Variants in BTAF1 observed in about 807,000 individuals in gnomAD.
BTAF1 encodes TATA-binding protein-associated factor 172.
In BTAF1, 38 loss-of-function variants were observed where a neutral mutation model predicts 227.1. The ratio of observed to expected loss-of-function variants is 0.17; its 90% CI spans 0.13 to 0.22. BTAF1 has a LOEUF of 0.22. BTAF1 is among the 10% of genes least tolerant of loss of function. BTAF1 has a pLI of 1.00. For synonymous variants in BTAF1, 742 were observed against 751.9 expected (o/e 0.99, Z 0.21); for missense variants, 1,598 against 2,204.0 (o/e 0.73, Z 5.51).
intron 23 of BTAF1, among the ~76,000 whole-genome samples, chr10:91,995,574 G>A (rs1849080914): frequency 6.6e-6 from 1 of 151,978 alleles, no homozygotes; most frequent in African/African-American, 2.4e-5. Context: ...TACTTGGGAG[G>A]CTGAGGCAGG....
intron 14 of BTAF1, among the ~76,000 whole-genome samples, chr10:91,968,077 T>C (rs1847047187): frequency 6.6e-6 from 1 of 152,198 alleles, no homozygotes; most frequent in Admixed American, 6.5e-5. Context: ...GTAGGGTTCG[T>C]TCACTCTTCT....
rs1233157570 is a variant in BTAF1 at position 91,959,073 on chromosome 10, T to C, written c.909T>C (p.His303=). The change falls in exon 9 of 38, where the codon CAT becomes CAC. Residue 303 remains histidine, a synonymous_variant. Transcript: ENST00000265990. The stretch of plus-strand genomic sequence containing the variant: ...TTCTTTGTTCTTTTCAGGTTCGACA[T>C]GGTGCAGGCACTGGACTTAGGGAAA... ...DLFNPSWEVR[H]GAGTGLREIL... The C allele has an allele frequency of 3.1e-6, 5 of 1,613,678 alleles. No individual in the cohort carries two copies. In the African/African-American group the frequency reaches 6.7e-5, roughly 22 times the overall value.
chr10:91,926,613 C>T (rs975105789), intron 1 of BTAF1, among the ~76,000 whole-genome samples: 1 of 152,146 alleles, frequency 6.6e-6, no homozygotes, highest in Non-Finnish European at 1.5e-5. Flanking sequence ...CACTGTAAAG[C>T]TACATCCAAT....
At chr10:91,991,265 AATATAAATATATATATAT>A (rs1365840506) in intron 20 of BTAF1, among the ~76,000 whole-genome samples, 2 of 90,088 alleles carry the variant, frequency 2.2e-5, no homozygotes, top group South Asian at 4.8e-4. Context: ...TATAAATATA[AATATAAATATATATATAT>A]ATATATATAA....
intron 34 of BTAF1, among the ~76,000 whole-genome samples, chr10:92,021,964 T>TAGGGC (rs1424850417): frequency 6.6e-6 from 1 of 152,204 alleles, no homozygotes; most frequent in African/African-American, 2.4e-5. Flanking sequence ...ATGCTGAAGT[T>TAGGGC]AGGGCAAGAT....
intron 14 of BTAF1, among the ~76,000 whole-genome samples, chr10:91,975,898 T>C (rs557230897): frequency 1.8e-4 from 28 of 152,352 alleles, no homozygotes; most frequent in African/African-American, 6.5e-4. Flanking sequence ...GTTTTTTCCT[T>C]ACACCAACCA....
chr10:92,024,802 G>A lies in BTAF1; in HGVS notation c.4910G>A (p.Gly1637Asp), dbSNP rs752353933. ...GLGNGSTSES[G>D]TESVVAQHRI... is the part of the protein sequence containing the mutation. ...GGAAATGGCAGCACTTCCGAGAGTG[G>A]CACAGAGTCTGTTGTGGCCCAGCAC... is the stretch of plus-strand genomic sequence containing the variant. The change falls in exon 35 of 38, where the codon GGC (glycine) becomes GAC (aspartate). Residue 1637 changes from glycine to aspartate, a missense_variant. Around this residue, in one of 10 missense-constraint regions of BTAF1, gnomAD observed 205 missense variants for 244.5 expected, o/e 0.84. Coordinates refer to ENST00000265990, the MANE Select transcript of BTAF1 (RefSeq NM_003972.3). 2 of 1,611,734 alleles carry A rather than the reference G, an allele frequency of 1.2e-6. No homozygotes were observed. Among genetic ancestry groups the A allele is most frequent in the East Asian group, 2.2e-5 (1 of 44,716 alleles).
rs1846176633 is a variant in BTAF1, at chr10:91,957,370, C to T, written c.900+77C>T. 2.5e-6 allele frequency: 3 copies of T among 1,220,534 alleles called. No individual in the cohort carries two copies. In the South Asian group the frequency reaches 4.3e-5, roughly 17 times the overall value. 75.6% of individuals were successfully genotyped at this position (1,220,534 alleles called of 1,614,324 possible). A position where few individuals can be genotyped will look rare whatever the true frequency, so the allele number is the denominator to read the frequency against. On this transcript the variant is annotated intron_variant, in intron 8 of 37. Coordinates refer to ENST00000265990, the MANE Select transcript of BTAF1 (RefSeq NM_003972.3). ...AGGGAACAATGTCAAGAGCAATATA[C>T]TTTGTCAGAGTCCCTATTCTTCTCT...
intron 2 of BTAF1, among the ~76,000 whole-genome samples, chr10:91,936,023 T>C (rs529493964): frequency 1.3e-5 from 2 of 152,236 alleles, no homozygotes; most frequent in Admixed American, 1.3e-4. Context: ...GGTAATAAAC[T>C]AAGTTGTTTA....
At chr10:91,991,902 T>A (rs1848819346) in intron 20 of BTAF1, among the ~76,000 whole-genome samples, 1 of 151,802 alleles carries the variant, frequency 6.6e-6, no homozygotes, top group Non-Finnish European at 1.5e-5. Context: ...TGTTTCTCAT[T>A]GTTCAGATGG....
intron 12 of BTAF1, among the ~76,000 whole-genome samples, chr10:91,962,940 C>T (rs1251705204): frequency 1.3e-5 from 2 of 151,774 alleles, no homozygotes; most frequent in African/African-American, 2.4e-5. Context: ...TAATTTTACT[C>T]CTGGTTTTTA....
intron 14 of BTAF1, among the ~76,000 whole-genome samples, chr10:91,971,235 C>T (rs1259391368): frequency 1.3e-5 from 2 of 152,118 alleles, no homozygotes. Context: ...TTATCTTCAG[C>T]GTATCTCTTT....
At chr10:91,944,234 A>G (rs1564661379) in intron 4 of BTAF1, among the ~76,000 whole-genome samples, 1 of 152,064 alleles carries the variant, frequency 6.6e-6, no homozygotes, top group Admixed American at 6.5e-5. Context: ...TTGGGAACTC[A>G]GTTTTTTAGT....
chr10:91,941,973 C>G (rs528432975), intron 3 of BTAF1, among the ~76,000 whole-genome samples: 4 of 152,156 alleles, frequency 2.6e-5, no homozygotes, highest in Non-Finnish European at 5.9e-5. Flanking sequence ...TACACTTTTA[C>G]TTTTCTCAAA....
rs200051696 is a variant in BTAF1 at position 91,996,504 on chromosome 10, G to T, written c.3445G>T (p.Val1149Phe). Residue 1149 changes from valine (V) to phenylalanine (F), a missense_variant, in exon 24 of 38, where the codon GTT becomes TTT. Around this residue, in one of 10 missense-constraint regions of BTAF1, gnomAD observed 425 missense variants for 491.2 expected, o/e 0.87. Transcript: ENST00000265990. ...AACAATGAATATTTTTTTGGAGAAG[G>T]TTCTTCCGTGGCTGGGAGCAATTGA... is the stretch of plus-strand genomic sequence containing the variant. Reference protein sequence around the residue: ...METMNIFLEKVLPWLGAIDDS... With the variant: ...METMNIFLEKFLPWLGAIDDS... The T allele has an allele frequency of 4.8e-5, 77 of 1,613,996 alleles. No individual in the cohort carries two copies. Among genetic ancestry groups the T allele is most frequent in the Non-Finnish European group, 5.9e-5 (70 of 1,180,036 alleles).
Position 91,959,771 on chromosome 10 carries a change from T to TATATATA in BTAF1, c.991-14_991-13insATATATA. On this transcript the variant is annotated splice_polypyrimidine_tract_variant and intron_variant, in intron 9 of 37. Coordinates refer to ENST00000265990, the MANE Select transcript of BTAF1 (RefSeq NM_003972.3). ...ATATATATATATATATATATATATA[T>TATATATA]TATATTTTAACAGATGATTCAGCAG... 1 of 910,588 alleles carries TATATATA rather than the reference T, an allele frequency of 1.1e-6. No homozygotes were observed. The allele number at this position is 910,588 out of a possible 1,614,324, so 56.4% of individuals were successfully genotyped here.
At position 91,989,204 on chromosome 10, in the gene BTAF1, A is replaced by C; in HGVS notation, c.2478A>C (p.Gln826His). Residue 826 changes from glutamine to histidine, a missense_variant, in exon 20 of 38, where the codon CAA (glutamine) becomes CAC (histidine). Physicochemically the swap from Gln to His is conservative, Grantham distance 24. Transcript: ENST00000265990. The part of the protein sequence containing the change: ...EATSSFDLNP[Q>H]VLQQLDSKRQ... The stretch of plus-strand genomic sequence containing the variant: ...CATCATCTTTCGATTTAAATCCTCA[A>C]GTGTTACAACAGTTAGATAGTAAAC... 3 of 1,614,052 alleles carry C rather than the reference A, an allele frequency of 1.9e-6. No individual in the cohort carries two copies. Among genetic ancestry groups the C allele is most frequent in the Non-Finnish European group, 2.5e-6 (3 of 1,179,994 alleles).
intron 33 of BTAF1, among the ~76,000 whole-genome samples, chr10:92,016,822 T>G (rs1589980082): frequency 6.6e-6 from 1 of 152,304 alleles, no homozygotes; most frequent in Admixed American, 6.5e-5. Context: ...GAGGCACTTT[T>G]TATATGGAAT....
intron 1 of BTAF1, among the ~76,000 whole-genome samples, chr10:91,924,582 A>T (rs1208077339): frequency 6.6e-6 from 1 of 152,202 alleles, no homozygotes; most frequent in Non-Finnish European, 1.5e-5. Context: ...AAAATTAAGT[A>T]TAATTTCTCC....
Sources: gnomAD v4.1 joint callset for allele counts (sites outside exome capture counted in the v4.1 genomes callset) on GRCh38, gnomAD v4.1.1 for gene constraint, gnomAD v4.1.1 regional missense constraint, MANE v1.5 for transcripts, NCBI Gene and HGNC (gene_info 2026-07-23, HGNC 2026-07-21) for gene names.